C12orf54: variants seen among roughly 807,000 people sequenced by gnomAD.
C12orf54 encodes the protein chromosome 12 open reading frame 54, also known as uncharacterized protein C12orf54.
C12orf54 carries 24 observed loss-of-function variants against 26.4 expected under a neutral mutation model. The observed-to-expected ratio is 0.91, with a 90% CI of 0.66 to 1.28. The LOEUF (loss-of-function observed/expected upper bound fraction) is 1.28. C12orf54 is among the 50% of genes most tolerant of loss of function. The pLI, the probability that C12orf54 is intolerant of heterozygous loss-of-function variation, is 0.00. For synonymous variants in C12orf54, 54 were observed against 47.0 expected (o/e 1.15, Z -0.61); for missense variants, 154 against 150.9 (o/e 1.02, Z -0.11).
chr12:48,467,130 A>G, the C12orf54 span, among the ~76,000 whole-genome samples: 1 of 152,192 alleles, frequency 6.6e-6, no homozygotes, highest in Non-Finnish European at 1.5e-5. Context: ...AAGTCTAATG[A>G]CAAGAGTCTT....
At chr12:48,457,275 T>C in the C12orf54 span, among the ~76,000 whole-genome samples, 25,978 of 117,792 alleles carry the variant, frequency 0.22, 2,344 homozygotes, top group East Asian at 0.5. Flanking sequence ...CAGTTTTTTG[T>C]TGTTGTTGTT....
the C12orf54 span, among the ~76,000 whole-genome samples, chr12:48,466,519 A>G: frequency 1.4e-5 from 2 of 147,288 alleles, no homozygotes; most frequent in Non-Finnish European, 3.0e-5. Flanking sequence ...CACTCAACCT[A>G]GGCAACAAGC....
chr12:48,494,102 C>A (rs1937858586), intron 7 of C12orf54, among the ~76,000 whole-genome samples: 1 of 135,790 alleles, frequency 7.4e-6, no homozygotes, highest in Non-Finnish European at 1.6e-5. Context: ...GCCTGTAACC[C>A]CAGCTACTCG....
At chr12:48,453,916 G>A in the C12orf54 span, among the ~76,000 whole-genome samples, 1 of 151,772 alleles carries the variant, frequency 6.6e-6, no homozygotes, top group Non-Finnish European at 1.5e-5. Flanking sequence ...CAACCAAACT[G>A]AAAAAAGAAG....
the C12orf54 span, chr12:48,473,025 T>A: frequency 5.0e-6 from 8 of 1,613,994 alleles, no homozygotes; most frequent in East Asian, 1.8e-4. Flanking sequence ...CTTAGACCTT[T>A]TCACTTGCGA....
the C12orf54 span, among the ~76,000 whole-genome samples, chr12:48,429,642 A>C: frequency 6.6e-6 from 1 of 152,156 alleles, no homozygotes; most frequent in South Asian, 2.1e-4. Flanking sequence ...AAAACTACAA[A>C]ACATTGCTGA....
At chr12:48,452,454 G>A in the C12orf54 span, among the ~76,000 whole-genome samples, 3 of 152,146 alleles carry the variant, frequency 2.0e-5, no homozygotes, top group South Asian at 4.2e-4. Context: ...GATGCTAAAA[G>A]CAATTGCAAC....
chr12:48,466,804 A>T, the C12orf54 span, among the ~76,000 whole-genome samples: 2 of 152,134 alleles, frequency 1.3e-5, no homozygotes, highest in Non-Finnish European at 2.9e-5. Context: ...TACAACCCCT[A>T]CCATATGTCC....
intron 6 of C12orf54, among the ~76,000 whole-genome samples, chr12:48,491,234 G>T (rs1937783193): frequency 6.6e-6 from 1 of 152,178 alleles, no homozygotes. Flanking sequence ...AACAGATTTG[G>T]TGTCTGGTGA....
At chr12:48,458,163 G>A in the C12orf54 span, among the ~76,000 whole-genome samples, 17 of 152,174 alleles carry the variant, frequency 1.1e-4, no homozygotes, top group Non-Finnish European at 2.2e-4. Flanking sequence ...ACACCCTTGA[G>A]GCTTTCCTAG....
chr12:48,460,526 CA>C, the C12orf54 span, among the ~76,000 whole-genome samples: 1 of 151,990 alleles, frequency 6.6e-6, no homozygotes, highest in African/African-American at 2.4e-5. Flanking sequence ...ATGATACTTA[CA>C]AAGGTAATTA....
At chr12:48,483,157 C>T in intron 1 of C12orf54, 83 bp from the exon 2 acceptor site, 1 of 556,234 alleles carries the variant, frequency 1.8e-6, no homozygotes, top group Non-Finnish European at 2.9e-6. Context: ...GCTCCATTAA[C>T]TGCTGGTAGT....
the C12orf54 span, among the ~76,000 whole-genome samples, chr12:48,468,367 G>C: frequency 6.6e-6 from 1 of 152,156 alleles, no homozygotes; most frequent in Non-Finnish European, 1.5e-5. Flanking sequence ...GGAGTGGGCA[G>C]GAATGATGTC....
At chr12:48,486,240 C>G in intron 3 of C12orf54, 32 bp downstream of exon 3, 1 of 1,594,120 alleles carries the variant, frequency 6.3e-7, no homozygotes, top group Non-Finnish European at 8.6e-7. Flanking sequence ...TCTGGATCCT[C>G]TGGGGCTTCT....
chr12:48,471,639 G>T, the C12orf54 span, among the ~76,000 whole-genome samples: 3 of 152,174 alleles, frequency 2.0e-5, no homozygotes, highest in Admixed American at 6.5e-5. Flanking sequence ...TCTTGTCAAA[G>T]ATCAGATATT....
the C12orf54 span, among the ~76,000 whole-genome samples, chr12:48,453,563 A>ACATATACACATATATATGTG: frequency 2.3e-4 from 6 of 25,954 alleles, no homozygotes; most frequent in South Asian, 2.5e-3. Flanking sequence ...ATATATATAC[A>ACATATACACATATATATGTG]TATATATACA....
the C12orf54 span, chr12:48,472,666 T>C: frequency 2.6e-5 from 42 of 1,613,874 alleles, no homozygotes; most frequent in African/African-American, 5.2e-4. Context: ...GCGTGAGAGA[T>C]GGAGATGGGC....
intron 3 of C12orf54, 138 bp from the exon 4 acceptor site, chr12:48,486,550 G>A: frequency 1.2e-6 from 1 of 863,910 alleles, no homozygotes; most frequent in South Asian, 1.7e-5. Context: ...ACTTTTGGCT[G>A]CCTGAGAAAT....
the C12orf54 span, among the ~76,000 whole-genome samples, chr12:48,469,227 C>T: frequency 4.6e-5 from 7 of 152,242 alleles, no homozygotes; most frequent in South Asian, 8.3e-4. Context: ...AGCCTGGGGG[C>T]GCTGCAGGAG....
Sources: gnomAD v4.1 joint callset for allele counts (sites outside exome capture counted in the v4.1 genomes callset) on GRCh38, gnomAD v4.1.1 for gene constraint, MANE v1.5 for transcripts, NCBI Gene and HGNC (gene_info 2026-07-23, HGNC 2026-07-21) for gene names.